Variants in EXT1 observed in about 807,000 individuals in gnomAD.
EXT1 encodes exostosin glycosyltransferase 1.
A neutral mutation model predicts 82.5 loss-of-function variants in EXT1; 20 were observed. The ratio of observed to expected loss-of-function variants is 0.24; its 90% CI spans 0.17 to 0.35. EXT1 has a LOEUF of 0.35. EXT1 is among the 10% of genes least tolerant of loss of function. The probability of loss-of-function intolerance (pLI) is 1.00; values close to 1 mark genes in which losing one functional copy is unlikely to be tolerated. For missense variants in EXT1, 757 were observed against 936.5 expected, an observed-to-expected ratio of 0.81 and a Z score of 2.50; for synonymous variants, 348 against 350.8, an observed-to-expected ratio of 0.99 and a Z score of 0.09.
intron 1 of EXT1, among the ~76,000 whole-genome samples, chr8:117,844,436 A>G (rs1451521273): frequency 1.3e-5 from 2 of 152,116 alleles, no homozygotes; most frequent in African/African-American, 4.8e-5. Context: ...TACAGGAGTG[A>G]GCCACCATAC....
At chr8:118,001,242 AATGAGGTG>A (rs1394198868) in intron 1 of EXT1, among the ~76,000 whole-genome samples, 1 of 152,108 alleles carries the variant, frequency 6.6e-6, no homozygotes, top group African/African-American at 2.4e-5. Context: ...GCTGGAGTGT[AATGAGGTG>A]ATCTTGGCTC....
At chr8:117,964,649 G>GTTTGTTT (rs1351997884) in intron 1 of EXT1, among the ~76,000 whole-genome samples, 1 of 151,138 alleles carries the variant, frequency 6.6e-6, no homozygotes, top group Non-Finnish European at 1.5e-5. Context: ...TTGTTTGTTT[G>GTTTGTTT]TTTGTTTTTT....
At chr8:118,059,880 G>A (rs975774423) in intron 1 of EXT1, among the ~76,000 whole-genome samples, 9 of 152,176 alleles carry the variant, frequency 5.9e-5, no homozygotes, top group African/African-American at 7.2e-5. Context: ...TAGCCTCTGC[G>A]TATACTAGTG....
chr8:117,949,236 G>A (rs1814444176), intron 1 of EXT1, among the ~76,000 whole-genome samples: 1 of 151,984 alleles, frequency 6.6e-6, no homozygotes, highest in Admixed American at 6.6e-5. Context: ...ATCCTCAGAA[G>A]GAAGATAAAA....
intron 1 of EXT1, among the ~76,000 whole-genome samples, chr8:117,955,622 C>T (rs533650326): frequency 6.6e-6 from 1 of 151,616 alleles, no homozygotes; most frequent in African/African-American, 2.4e-5. Flanking sequence ...GTGGTGTGAT[C>T]TCAGCTCACT....
intron 7 of EXT1, 51 bp from the exon 8 acceptor site, chr8:117,813,012 A>C: frequency 1.4e-6 from 2 of 1,442,834 alleles, no homozygotes; most frequent in Non-Finnish European, 1.9e-6. Flanking sequence ...GAAAGAGGTA[A>C]CTTCAGAGTC....
intron 1 of EXT1, among the ~76,000 whole-genome samples, chr8:118,096,178 T>C (rs1817607625): frequency 1.3e-5 from 2 of 152,206 alleles, no homozygotes; most frequent in African/African-American, 4.8e-5. Context: ...GAAGTTTCAA[T>C]ATCTACAGAC....
intron 1 of EXT1, among the ~76,000 whole-genome samples, chr8:117,889,215 C>T (rs551219438): frequency 3.6e-4 from 55 of 152,140 alleles, no homozygotes; most frequent in Non-Finnish European, 7.8e-4. Flanking sequence ...CACGGAGCCT[C>T]GTTACCAGGC....
intron 1 of EXT1, among the ~76,000 whole-genome samples, chr8:118,010,257 A>G (rs1293245406): frequency 6.6e-6 from 1 of 151,540 alleles, no homozygotes; most frequent in Admixed American, 6.6e-5. Flanking sequence ...CTGTAGTCCC[A>G]GCTACTCGGG....
intron 1 of EXT1, among the ~76,000 whole-genome samples, chr8:117,911,009 G>A (rs1813636726): frequency 6.6e-6 from 1 of 152,190 alleles, no homozygotes; most frequent in Non-Finnish European, 1.5e-5. Flanking sequence ...CTAGAGTCGA[G>A]CTGTCCAAGG....
chr8:117,854,264 T>C (rs1248148472), intron 1 of EXT1, among the ~76,000 whole-genome samples: 1 of 152,296 alleles, frequency 6.6e-6, no homozygotes. Context: ...ACTATTTTCA[T>C]CCATCTGCCT....
chr8:117,891,131 C>G (rs1248156159), intron 1 of EXT1, among the ~76,000 whole-genome samples: 1 of 152,210 alleles, frequency 6.6e-6, no homozygotes, highest in Non-Finnish European at 1.5e-5. Context: ...TCAGCCCCAT[C>G]TTTCCTGAGC....
At chr8:118,009,631 C>T (rs937302456) in intron 1 of EXT1, among the ~76,000 whole-genome samples, 1 of 152,204 alleles carries the variant, frequency 6.6e-6, no homozygotes, top group African/African-American at 2.4e-5. Context: ...GACAGGCAAG[C>T]GAGGATTACC....
At chr8:117,863,492 C>A (rs1236644182) in intron 1 of EXT1, among the ~76,000 whole-genome samples, 2 of 145,250 alleles carry the variant, frequency 1.4e-5, no homozygotes, top group Non-Finnish European at 3.0e-5. Flanking sequence ...ACGGCTGATG[C>A]GGGCCAAATA....
intron 1 of EXT1, among the ~76,000 whole-genome samples, chr8:117,876,974 G>A (rs967673790): frequency 6.6e-6 from 1 of 152,138 alleles, no homozygotes; most frequent in Non-Finnish European, 1.5e-5. Flanking sequence ...ATAAGAAAAC[G>A]ATATGGCCAG....
chr8:117,835,001 C>G (rs1381147280), intron 3 of EXT1, among the ~76,000 whole-genome samples: 1 of 152,158 alleles, frequency 6.6e-6, no homozygotes, highest in African/African-American at 2.4e-5. Context: ...CTCAGACACC[C>G]AGACTGGATC....
chr8:117,817,356 T>C (rs571625344), intron 7 of EXT1, among the ~76,000 whole-genome samples: 2 of 152,168 alleles, frequency 1.3e-5, no homozygotes, highest in Non-Finnish European at 2.9e-5. Flanking sequence ...CCTAATAAAC[T>C]GATTTTGTCA....
At position 118,111,469 on chromosome 8, in the gene EXT1, G is replaced by A; in HGVS notation, c.-423C>T. The A allele has an allele frequency of 1.9e-6, 1 of 538,546 alleles. No homozygotes were observed. The highest frequency in any genetic ancestry group is 3.2e-6 in the Non-Finnish European group (1 of 307,956). The allele number at this position is 538,546 out of a possible 1,614,324, so 33.4% of individuals were successfully genotyped here. On this transcript the variant is annotated 5_prime_UTR_variant, in exon 1 of 11. Transcript: ENST00000378204. ...CTCGGCAGCGTGGAAAATGAGCCCC[G>A]GGAAGGCAACTTCAACTCATCCACC... is the stretch of plus-strand genomic sequence containing the variant.
At chr8:118,104,594 A>G (rs1420045502) in intron 1 of EXT1, among the ~76,000 whole-genome samples, 1 of 152,258 alleles carries the variant, frequency 6.6e-6, no homozygotes, top group Non-Finnish European at 1.5e-5. Context: ...ATTTAGGCTG[A>G]GAAGGACTTG....
Sources: gnomAD v4.1 joint callset for allele counts (sites outside exome capture counted in the v4.1 genomes callset) on GRCh38, gnomAD v4.1.1 for gene constraint, MANE v1.5 for transcripts, NCBI Gene and HGNC (gene_info 2026-07-23, HGNC 2026-07-21) for gene names.